TTC23L: variants seen among roughly 807,000 people sequenced by gnomAD.
TTC23L encodes tetratricopeptide repeat domain 23 like, also known as tetratricopeptide repeat protein 23-like.
A neutral mutation model predicts 48.1 loss-of-function variants in TTC23L; 42 were observed. That is an observed-to-expected ratio of 0.87 (90% CI 0.68 to 1.13). The LOEUF is 1.13. Among genes scored for constraint, TTC23L ranks in the 50% most tolerant of loss-of-function variants. The probability of loss-of-function intolerance (pLI) is 0.00; values close to 1 mark genes in which losing one functional copy is unlikely to be tolerated. For synonymous variants in TTC23L, 159 were observed against 157.2 expected (o/e 1.01, Z -0.09); for missense variants, 391 against 421.0 (o/e 0.93, Z 0.62).
intron 4 of TTC23L, among the ~76,000 whole-genome samples, chr5:34,862,105 G>C (rs1760709705): frequency 6.6e-6 from 1 of 152,170 alleles, no homozygotes; most frequent in Non-Finnish European, 1.5e-5. Context: ...TCTATGGAAA[G>C]TCAGCCCTGG....
At position 34,868,783 on chromosome 5, in the gene TTC23L, T is replaced by A; in HGVS notation, c.841-122T>A. 3 of 767,192 alleles carry A rather than the reference T, an allele frequency of 3.9e-6. 1 individual carries two copies. The Middle Eastern group carries it at 7.2e-4, about 185-fold the overall frequency. 47.5% of individuals were successfully genotyped at this position (767,192 alleles called of 1,614,324 possible). A position where few individuals can be genotyped will look rare whatever the true frequency, so the allele number is the denominator to read the frequency against. On this transcript the variant is annotated intron_variant, in intron 7 of 10. Transcript: ENST00000505624. ...ATTCCTTCTACGAATGAAGGTGAAATTACTTGCACAAGACTCATAGCTAGG... is the reference window on the plus strand; with the variant it reads ...ATTCCTTCTACGAATGAAGGTGAAAATACTTGCACAAGACTCATAGCTAGG...
the TTC23L span, chr5:34,907,447 C>A: frequency 1.3e-5 from 2 of 152,100 alleles, no homozygotes; most frequent in Non-Finnish European, 2.9e-5. Context: ...GCTGTTGTCA[C>A]CTGGTACAGT....
At chr5:34,896,363 G>T (rs763097685) in intron 9 of TTC23L, among the ~76,000 whole-genome samples, 3 of 152,170 alleles carry the variant, frequency 2.0e-5, no homozygotes, top group East Asian at 3.9e-4. Flanking sequence ...GGGTACGGGT[G>T]GGGGAACAGC....
intron 10 of TTC23L, among the ~76,000 whole-genome samples, chr5:34,898,502 C>CT (rs1259655146): frequency 2.0e-5 from 3 of 152,196 alleles, no homozygotes; most frequent in Admixed American, 6.5e-5. Context: ...CTGATTCCCA[C>CT]TTACTATCCC....
At chr5:34,918,817 CTTTT>C in the TTC23L span, 6 of 132,364 alleles carry the variant, frequency 4.5e-5, no homozygotes, top group East Asian at 2.2e-4. Context: ...CTTTTTGGGC[CTTTT>C]TTTTTTTTTT....
At chr5:34,880,652 T>C in intron 9 of TTC23L, 1 of 430,272 alleles carries the variant, frequency 2.3e-6, no homozygotes, top group South Asian at 1.7e-5. Context: ...AAACTTTTTT[T>C]TTTTTTTTGA....
the TTC23L span, chr5:34,913,653 T>G: frequency 3.1e-4 from 265 of 859,538 alleles, no homozygotes; most frequent in African/African-American, 4.1e-3. Context: ...AGATTTCACT[T>G]TATACGTTTA....
At chr5:34,888,921 C>T (rs1166948797) in intron 9 of TTC23L, among the ~76,000 whole-genome samples, 3 of 152,022 alleles carry the variant, frequency 2.0e-5, no homozygotes, top group African/African-American at 7.3e-5. Context: ...AGTCTAGGTC[C>T]CTAAACATAA....
chr5:34,917,355 C>T, the TTC23L span, among the ~76,000 whole-genome samples: 1 of 152,104 alleles, frequency 6.6e-6, no homozygotes, highest in African/African-American at 2.4e-5. Flanking sequence ...TAAAAATGGT[C>T]CAGCGTGGTG....
Position 34,880,122 on chromosome 5 carries a change from A to G in TTC23L, c.950-59A>G. The G allele has an allele frequency of 3.2e-6, 5 of 1,558,024 alleles. 1 individual carries two copies. The highest frequency in any genetic ancestry group is 4.3e-6 in the Non-Finnish European group (5 of 1,153,824). Reference sequence around the variant, plus strand: ...GAAAATGTCAATTGAGCCAAAGCTGATATTAGACATTTGTAAAGGTTAGCA... The same window carrying G: ...GAAAATGTCAATTGAGCCAAAGCTGGTATTAGACATTTGTAAAGGTTAGCA... On this transcript the variant is annotated intron_variant, in intron 8 of 10. Transcript: ENST00000505624.
At chr5:34,850,606 T>G (rs141326522) in intron 4 of TTC23L, among the ~76,000 whole-genome samples, 170 of 152,306 alleles carry the variant, frequency 1.1e-3, no homozygotes, top group African/African-American at 3.9e-3. Flanking sequence ...ATGAGGACAC[T>G]GGAGCACAGT....
chr5:34,854,627 C>T (rs554402026), intron 4 of TTC23L, among the ~76,000 whole-genome samples: 3 of 152,220 alleles, frequency 2.0e-5, no homozygotes, highest in African/African-American at 7.2e-5. Flanking sequence ...TGTCTGTGTG[C>T]GTTCATGCCT....
At chr5:34,876,280 A>G (rs1761826770) in intron 8 of TTC23L, among the ~76,000 whole-genome samples, 1 of 152,274 alleles carries the variant, frequency 6.6e-6, no homozygotes, top group South Asian at 2.1e-4. Flanking sequence ...GTAGAAATCA[A>G]TGAAATTGAA....
the TTC23L span, chr5:34,925,325 C>A: frequency 3.1e-6 from 5 of 1,613,458 alleles, no homozygotes; most frequent in Non-Finnish European, 4.2e-6. Context: ...GAAGACTCTT[C>A]TTCCACATGA....
At chr5:34,880,154 C>G in intron 8 of TTC23L, 27 bp from the exon 9 acceptor site, 3 of 1,596,708 alleles carry the variant, frequency 1.9e-6, no homozygotes, top group Non-Finnish European at 2.6e-6. Context: ...AGCAGCTTGC[C>G]TTAAATAATT....
chr5:34,845,440 G>A, intron 2 of TTC23L, 47 bp from the exon 3 acceptor site: 1 of 1,566,140 alleles, frequency 6.4e-7, no homozygotes, highest in Non-Finnish European at 8.6e-7. Flanking sequence ...CCTTGTTTGA[G>A]ATGGAGAAGG....
chr5:34,861,741 G>A (rs1389463864), intron 4 of TTC23L, among the ~76,000 whole-genome samples: 1 of 152,220 alleles, frequency 6.6e-6, no homozygotes, highest in East Asian at 1.9e-4. Flanking sequence ...AGCTTGCTGA[G>A]TAGGACTGGG....
chr5:34,919,957 C>A, the TTC23L span: 1 of 593,068 alleles, frequency 1.7e-6, no homozygotes, highest in Non-Finnish European at 3.0e-6. Flanking sequence ...CTAAGTCATT[C>A]AGTGACTTTA....
the TTC23L span, chr5:34,922,037 T>C: frequency 2.6e-6 from 1 of 381,750 alleles, no homozygotes; most frequent in Non-Finnish European, 4.7e-6. Flanking sequence ...TTACCTTGGG[T>C]AGAATACCTA....
Sources: allele counts gnomAD v4.1 joint callset (sites outside exome capture counted in the v4.1 genomes callset), GRCh38; gene constraint gnomAD v4.1.1; transcripts MANE v1.5; gene names NCBI Gene and HGNC (gene_info 2026-07-23, HGNC 2026-07-21).